CHRM3: variants seen among roughly 807,000 people sequenced by gnomAD.
CHRM3 encodes muscarinic acetylcholine receptor M3.
In CHRM3, 11 loss-of-function variants were observed where a neutral mutation model predicts 41.8. That is an observed-to-expected ratio of 0.26 (90% CI 0.17 to 0.44). CHRM3 has a LOEUF of 0.44. Ranked by LOEUF, CHRM3 falls within the 20% of genes least tolerant of loss-of-function variation. The pLI, the probability that CHRM3 is intolerant of heterozygous loss-of-function variation, is 1.00. For synonymous variants in CHRM3, 297 were observed against 301.4 expected (o/e 0.99, Z 0.15); for missense variants, 571 against 745.4 (o/e 0.77, Z 2.72).
chr1:239,909,109 C>G lies in CHRM3; in HGVS notation c.1658C>G (p.Thr553Ser). The change falls in exon 7 of 7, where the codon ACC (threonine) becomes AGC (serine). Residue 553 changes from threonine to serine, a missense_variant. By Grantham distance (58) the Thr-to-Ser change is moderately conservative (BLOSUM62 1). Transcript: ENST00000676153. ...CYALCNKTFRTTFKMLLLCQC... is the reference protein window; with the variant it reads ...CYALCNKTFRSTFKMLLLCQC... ...GCTCTGTGCAACAAAACATTCAGAACCACTTTCAAGATGCTGCTGCTGTGC... is the reference window on the plus strand; with the variant it reads ...GCTCTGTGCAACAAAACATTCAGAAGCACTTTCAAGATGCTGCTGCTGTGC... 6.2e-7 allele frequency: 1 copy of G among 1,614,110 alleles called. No individual in the cohort carries two copies. Among genetic ancestry groups the G allele is most frequent in the African/African-American group, 1.3e-5 (1 of 75,014 alleles).
Position 239,908,441 on chromosome 1 carries a change from C to T in CHRM3, c.990C>T (p.Asp330=), listed in dbSNP as rs966439033. Residue 330 remains aspartate (D), a synonymous_variant, in exon 7 of 7, where the codon GAC becomes GAT. Coordinates refer to ENST00000676153, the MANE Select transcript of CHRM3 (RefSeq NM_001375978.1). This position sits in a 1 kb window ranked among gnomAD's most constrained non-coding sequence, Gnocchi z 7.2. ...CCAGCTCCGAGCAGATGGACCAAGA[C>T]CACAGCAGCAGTGACAGTTGGAACA... The part of the protein sequence containing the change: ...WKPSSEQMDQ[D]HSSSDSWNNN... 17 of 1,613,946 alleles carry T rather than the reference C, an allele frequency of 1.1e-5. No individual in the cohort carries two copies. Among genetic ancestry groups the T allele is most frequent in the Non-Finnish European group, 1.1e-5 (13 of 1,179,984 alleles).
At chr1:239,872,521 C>T (rs1676680956) in intron 6 of CHRM3, among the ~76,000 whole-genome samples, 1 of 152,148 alleles carries the variant, frequency 6.6e-6, no homozygotes, top group Admixed American at 6.5e-5. Flanking sequence ...CACAGAAGAG[C>T]AACTGAGCAA....
chr1:239,789,574 T>G (rs377112385), intron 5 of CHRM3, among the ~76,000 whole-genome samples: 1 of 152,150 alleles, frequency 6.6e-6, no homozygotes, highest in Non-Finnish European at 1.5e-5. Context: ...GGAGCTGGCA[T>G]GTGCAGAGAT....
intron 4 of CHRM3, among the ~76,000 whole-genome samples, chr1:239,650,929 A>G (rs1170588410): frequency 1.3e-5 from 2 of 152,222 alleles, no homozygotes; most frequent in Admixed American, 1.3e-4. Flanking sequence ...AAATTTATGC[A>G]TAAAATATGT....
At chr1:239,625,076 TA>T (rs1393312483) in intron 3 of CHRM3, among the ~76,000 whole-genome samples, 3 of 57,150 alleles carry the variant, frequency 5.2e-5, no homozygotes, top group Non-Finnish European at 9.1e-5. Flanking sequence ...ATTGAATCTG[TA>T]AATTACCTTG....
intron 1 of CHRM3, among the ~76,000 whole-genome samples, chr1:239,419,787 A>G (rs1405462897): frequency 1.3e-5 from 2 of 152,220 alleles, no homozygotes; most frequent in African/African-American, 4.8e-5. Flanking sequence ...TTTTCCCTGT[A>G]CATTTCACCA....
intron 2 of CHRM3, among the ~76,000 whole-genome samples, chr1:239,534,390 C>T (rs114430403): frequency 0.01 from 1,590 of 152,274 alleles, 18 homozygotes; most frequent in African/African-American, 0.037. Context: ...ATTTTCAAAG[C>T]GTATTCACAG....
intron 2 of CHRM3, among the ~76,000 whole-genome samples, chr1:239,506,703 GT>G (rs2148170738): frequency 6.6e-6 from 1 of 152,250 alleles, no homozygotes; most frequent in Admixed American, 6.5e-5. Flanking sequence ...AGAACCCAGA[GT>G]GGTAGAACTA....
rs760532849 is a variant in CHRM3 at position 239,907,480 on chromosome 1, C to T, written c.29C>T (p.Ser10Leu). The change falls in exon 7 of 7, where the codon TCG (serine) becomes TTG (leucine). Residue 10 changes from serine to leucine, a missense_variant. Physicochemically the swap from Ser to Leu is moderately radical, Grantham distance 145. Around this residue, in one of 5 missense-constraint regions of CHRM3, gnomAD observed 92 missense variants for 76.1 expected, o/e 1.21. Transcript: ENST00000676153. The surrounding 1 kb of genome is among the most constrained non-coding windows in gnomAD (Gnocchi z 5.4). ...ACCTTGCACAATAACAGTACAACCT[C>T]GCCTTTGTTTCCAAACATCAGCTCC... MTLHNNSTT[S>L]PLFPNISSSW... 8.7e-6 allele frequency: 14 copies of T among 1,613,976 alleles called. No homozygotes were observed. The Admixed American group carries it at 1.5e-4, about 17-fold the overall frequency.
chr1:239,564,554 T>C (rs1433292850), intron 3 of CHRM3, among the ~76,000 whole-genome samples: 1 of 152,192 alleles, frequency 6.6e-6, no homozygotes, highest in Admixed American at 6.5e-5. Context: ...AGAAACTAAT[T>C]ATTCCATTCA....
chr1:239,686,923 T>C (rs1659199348), intron 5 of CHRM3, among the ~76,000 whole-genome samples: 1 of 152,186 alleles, frequency 6.6e-6, no homozygotes, highest in Non-Finnish European at 1.5e-5. Flanking sequence ...CTTTCTAAGA[T>C]TTTAATAGCT....
At chr1:239,757,310 C>G (rs978620122) in intron 5 of CHRM3, among the ~76,000 whole-genome samples, 1 of 152,084 alleles carries the variant, frequency 6.6e-6, no homozygotes, top group Non-Finnish European at 1.5e-5. Context: ...TGTATTACAT[C>G]TCCATTCCGT....
chr1:239,419,788 C>T (rs766452875), intron 1 of CHRM3, among the ~76,000 whole-genome samples: 2 of 152,180 alleles, frequency 1.3e-5, no homozygotes, highest in African/African-American at 2.4e-5. Context: ...TTTCCCTGTA[C>T]ATTTCACCAT....
rs190237918 is a variant in CHRM3, at chr1:239,464,014, C to T, written c.-520-28695C>T. Among the ~76,000 whole-genome samples, 7 of 152,254 alleles carry T rather than the reference C, an allele frequency of 4.6e-5. No individual in the cohort carries two copies. In the South Asian group the frequency reaches 6.2e-4, roughly 14 times the overall value. ...GTTCTCGGCCAGGCATGGTGGCTCA[C>T]GCCTGTAATCTCAGCACTTTGGGAG... On this transcript the variant is annotated intron_variant, in intron 1 of 6. Coordinates refer to ENST00000676153, the MANE Select transcript of CHRM3 (RefSeq NM_001375978.1).
intron 6 of CHRM3, among the ~76,000 whole-genome samples, chr1:239,873,399 C>T (rs1280972316): frequency 6.6e-6 from 1 of 151,890 alleles, no homozygotes; most frequent in African/African-American, 2.4e-5. Flanking sequence ...ATGTGGAGAA[C>T]GTGCAAGTTT....
At chr1:239,395,928 C>T (rs920760383) in intron 1 of CHRM3, among the ~76,000 whole-genome samples, 1 of 152,154 alleles carries the variant, frequency 6.6e-6, no homozygotes, top group Non-Finnish European at 1.5e-5. Context: ...CTAAATGTCT[C>T]GCATCAGCTT....
chr1:239,690,925 A>C (rs1659654867), intron 5 of CHRM3, among the ~76,000 whole-genome samples: 3 of 152,002 alleles, frequency 2.0e-5, no homozygotes. Flanking sequence ...ATGGCAAAGG[A>C]TTTGAGGTTG....
chr1:239,904,555 G>A (rs1371040162), intron 6 of CHRM3, among the ~76,000 whole-genome samples: 1 of 152,184 alleles, frequency 6.6e-6, no homozygotes, highest in East Asian at 1.9e-4. Flanking sequence ...TTCTGTACAT[G>A]CATCTTGGAA....
chr1:239,647,726 T>G (rs1400542066), intron 4 of CHRM3, among the ~76,000 whole-genome samples: 1 of 152,180 alleles, frequency 6.6e-6, no homozygotes, highest in South Asian at 2.1e-4. Context: ...GGTCCTCTGC[T>G]TCTCCCCACT....
Sources: gnomAD v4.1 joint callset for allele counts (sites outside exome capture counted in the v4.1 genomes callset) on GRCh38, gnomAD v4.1.1 for gene constraint, gnomAD v4.1.1 regional missense constraint, Gnocchi (gnomAD v3.1) non-coding constraint, MANE v1.5 for transcripts, NCBI Gene and HGNC (gene_info 2026-07-23, HGNC 2026-07-21) for gene names.